Variants in ABI3BP observed in about 807,000 individuals in gnomAD.
The protein encoded by ABI3BP is ABI family member 3 binding protein, also known as target of Nesh-SH3.
In ABI3BP, 216 loss-of-function variants were observed where a neutral mutation model predicts 268.6. The ratio of observed to expected loss-of-function variants is 0.80; its 90% CI spans 0.72 to 0.90. The LOEUF is 0.90. ABI3BP is among the 40% of genes least tolerant of loss of function. ABI3BP has a pLI of 0.00. For synonymous variants in ABI3BP, 730 were observed against 730.0 expected, an observed-to-expected ratio of 1.00 and a Z score of 0.00; for missense variants, 2,090 against 2,182.4, an observed-to-expected ratio of 0.96 and a Z score of 0.84.
chr3:100,919,513 G>C (rs1019814036), intron 2 of ABI3BP, among the ~76,000 whole-genome samples: 5 of 152,062 alleles, frequency 3.3e-5, no homozygotes, highest in Admixed American at 3.3e-4. Flanking sequence ...AATATAAATT[G>C]CATTAAAATT....
intron 11 of ABI3BP, 62 bp downstream of exon 11, chr3:100,864,771 C>T (rs1171014743): frequency 7.7e-7 from 1 of 1,290,462 alleles, no homozygotes; most frequent in Admixed American, 2.3e-5. Flanking sequence ...TTCTGTGAGT[C>T]CTGGGAGTTA....
rs10460869 is a variant in ABI3BP, at chr3:100,862,923, C to T, written c.1139-14G>A. The T allele has an allele frequency of 0.015, 23,250 of 1,528,996 alleles. 1,756 individuals are homozygous for T. The East Asian group carries it at 0.17, about 11-fold the overall frequency. 94.7% of individuals were successfully genotyped at this position (1,528,996 alleles called of 1,614,324 possible). ...GGCTTTTTGGAGCTGTAATGAAACA[C>T]ATAAAGAAAGTTACGACCTGAGGTG... On this transcript the variant is annotated splice_polypyrimidine_tract_variant and intron_variant, in intron 12 of 67. Transcript: ENST00000471714.
intron 44 of ABI3BP, among the ~76,000 whole-genome samples, chr3:100,814,785 G>A (rs1196648158): frequency 6.6e-6 from 1 of 152,120 alleles, no homozygotes; most frequent in Non-Finnish European, 1.5e-5. Flanking sequence ...CATTGAGAAA[G>A]AGATGAATGA....
chr3:100,957,305 C>G (rs1362500178), intron 1 of ABI3BP, among the ~76,000 whole-genome samples: 4 of 152,038 alleles, frequency 2.6e-5, no homozygotes, highest in African/African-American at 9.7e-5. Flanking sequence ...TTTATTGACT[C>G]AAGTAATGGA....
chr3:100,803,230 A>T (rs986755031), intron 51 of ABI3BP, among the ~76,000 whole-genome samples: 5 of 145,690 alleles, frequency 3.4e-5, no homozygotes, highest in African/African-American at 1.2e-4. Flanking sequence ...ATAAATAGGG[A>T]TAGTTGTTAA....
At chr3:100,876,640 G>T in intron 6 of ABI3BP, 80 bp from the exon 7 acceptor site, 1 of 1,306,248 alleles carries the variant, frequency 7.7e-7, no homozygotes, top group Non-Finnish European at 1.1e-6. Context: ...AGAACTGGAA[G>T]TAGCCCTTTC....
chr3:100,773,936 G>C (rs1203010746), intron 61 of ABI3BP, among the ~76,000 whole-genome samples: 1 of 152,210 alleles, frequency 6.6e-6, no homozygotes, highest in South Asian at 2.1e-4. Flanking sequence ...CTGGGGGGTT[G>C]AGTGGGAGGA....
At chr3:100,833,185 T>G in intron 29 of ABI3BP, 28 bp from the exon 30 acceptor site, 1 of 1,526,226 alleles carries the variant, frequency 6.6e-7, no homozygotes, top group Non-Finnish European at 8.8e-7. Context: ...CAAAAGCAAT[T>G]TTAAAAAGAA....
chr3:100,913,960 G>C (rs1195189576), intron 2 of ABI3BP, among the ~76,000 whole-genome samples: 1 of 152,240 alleles, frequency 6.6e-6, no homozygotes, highest in South Asian at 2.1e-4. Flanking sequence ...TAATGAATCT[G>C]CTCTTCTACC....
chr3:100,929,999 A>C (rs1256662091), intron 1 of ABI3BP, among the ~76,000 whole-genome samples: 7 of 152,050 alleles, frequency 4.6e-5, no homozygotes, highest in African/African-American at 9.7e-5. Flanking sequence ...ATGCCTATGT[A>C]CATTCTACAC....
At chr3:100,764,785 T>C (rs985933939) in intron 63 of ABI3BP, among the ~76,000 whole-genome samples, 1 of 152,214 alleles carries the variant, frequency 6.6e-6, no homozygotes, top group Non-Finnish European at 1.5e-5. Context: ...AAGGAAATGC[T>C]AAGGAAACAG....
chr3:100,843,551 G>C (rs2098733690), intron 20 of ABI3BP: 1 of 892,172 alleles, frequency 1.1e-6, no homozygotes, highest in South Asian at 4.8e-5. Context: ...GTGAGAGAGA[G>C]AGAGAGAGAG....
chr3:100,816,650 G>A (rs1465506680), intron 43 of ABI3BP, 38 bp downstream of exon 43: 1 of 1,488,348 alleles, frequency 6.7e-7, no homozygotes, highest in South Asian at 1.2e-5. Flanking sequence ...CAGGGTTCAG[G>A]TTCCTTGGCT....
At chr3:100,894,965 AAACAG>A (rs2046912362) in intron 4 of ABI3BP, among the ~76,000 whole-genome samples, 1 of 120,768 alleles carries the variant, frequency 8.3e-6, no homozygotes, top group South Asian at 2.8e-4. Flanking sequence ...AAAAAAAAAA[AAACAG>A]AAAAAAAAAA....
chr3:100,802,308 C>T (rs538405915), intron 51 of ABI3BP, among the ~76,000 whole-genome samples: 2 of 152,166 alleles, frequency 1.3e-5, no homozygotes, highest in Admixed American at 1.3e-4. Flanking sequence ...TGACTGAAAC[C>T]TATCCCAATG....
In ABI3BP at chr3:100,922,251, T is replaced by C. The variant is rs1372898400; in HGVS notation, c.259+4051A>G. ...CAGTAAACTGATATCAGAAAGGGGA[T>C]TGAATAGAGATGCAAATTTTAAACA... is the stretch of plus-strand genomic sequence containing the variant. On this transcript the variant is annotated intron_variant, in intron 2 of 67. Transcript: ENST00000471714. 3.3e-5 allele frequency among the ~76,000 whole-genome samples: 5 copies of C among 152,222 alleles called. No homozygotes were observed. The East Asian group carries it at 9.6e-4, about 29-fold the overall frequency.
At chr3:100,823,726 C>G (rs966266348) in intron 36 of ABI3BP, among the ~76,000 whole-genome samples, 1 of 152,090 alleles carries the variant, frequency 6.6e-6, no homozygotes, top group Non-Finnish European at 1.5e-5. Context: ...GTTGAACTAT[C>G]TTGAGTATGT....
intron 14 of ABI3BP, among the ~76,000 whole-genome samples, chr3:100,855,580 T>C (rs2098930187): frequency 6.6e-6 from 1 of 152,202 alleles, no homozygotes; most frequent in African/African-American, 2.4e-5. Context: ...AACAGTGAGT[T>C]TGATGGTTGG....
rs1057225390 is a variant in ABI3BP at position 100,818,559 on chromosome 3, A to C, written c.3054T>G (p.Pro1018=). The change falls in exon 41 of 68, where the codon CCT becomes CCG. Residue 1018 remains proline, a synonymous_variant. Coordinates refer to ENST00000471714, the MANE Select transcript of ABI3BP (RefSeq NM_001375547.2). ...TKLVPSTDLE[P]GTLRTEAPKT... ...TTGGAGCTTCAGTTCTGAGAGTACC[A>C]GGTTCAAGATCTGTAGAAGGAACTA... 9 of 1,535,470 alleles carry C rather than the reference A, an allele frequency of 5.9e-6. No individual in the cohort carries two copies. Among genetic ancestry groups the C allele is most frequent in the Non-Finnish European group, 7.9e-6 (9 of 1,146,488 alleles).
Sources: gnomAD v4.1 joint callset for allele counts (sites outside exome capture counted in the v4.1 genomes callset) on GRCh38, gnomAD v4.1.1 for gene constraint, MANE v1.5 for transcripts, NCBI Gene and HGNC (gene_info 2026-07-23, HGNC 2026-07-21) for gene names.